GALNT13: variants seen among roughly 807,000 people sequenced by gnomAD.
GALNT13 encodes UDP-GalNAc:polypeptide N-acetylgalactosaminyltransferase 13.
Under a neutral mutation model 64.2 loss-of-function variants are expected in GALNT13, and 28 were observed. The observed-to-expected ratio is 0.44, with a 90% CI of 0.32 to 0.60. GALNT13 has a LOEUF of 0.60. Among genes scored for constraint, GALNT13 ranks in the 20% least tolerant of loss-of-function variants. The pLI, the probability that GALNT13 is intolerant of heterozygous loss-of-function variation, is 0.05. For synonymous variants in GALNT13, 214 were observed against 224.6 expected (o/e 0.95, Z 0.42); for missense variants, 577 against 669.8 (o/e 0.86, Z 1.53).
intron 4 of GALNT13, among the ~76,000 whole-genome samples, chr2:154,167,667 CA>C (rs576923473): frequency 2.0e-4 from 31 of 152,230 alleles, no homozygotes; most frequent in Admixed American, 5.2e-4. Context: ...AGTAGAGAGA[CA>C]CAACTTAATG....
the GALNT13 span, among the ~76,000 whole-genome samples, chr2:153,183,600 T>C: frequency 3.3e-5 from 5 of 152,242 alleles, no homozygotes; most frequent in South Asian, 2.1e-4. Flanking sequence ...TTTATAGTTT[T>C]GGGTTTTACA....
chr2:153,123,996 T>A, the GALNT13 span, among the ~76,000 whole-genome samples: 1 of 152,176 alleles, frequency 6.6e-6, no homozygotes, highest in Non-Finnish European at 1.5e-5. Context: ...TATAAAAGAC[T>A]GTGAGTTCTA....
chr2:153,691,394 G>A, the GALNT13 span, among the ~76,000 whole-genome samples: 10 of 152,078 alleles, frequency 6.6e-5, no homozygotes, highest in African/African-American at 2.4e-4. Context: ...TATTCAGTAT[G>A]TGGACAATTA....
the GALNT13 span, among the ~76,000 whole-genome samples, chr2:153,498,858 T>G: frequency 6.6e-6 from 1 of 152,054 alleles, no homozygotes; most frequent in Non-Finnish European, 1.5e-5. Context: ...TTCGTTCTTT[T>G]TTTTTTTTGA....
At chr2:154,174,920 A>G (rs1384471558) in intron 4 of GALNT13, among the ~76,000 whole-genome samples, 1 of 152,146 alleles carries the variant, frequency 6.6e-6, no homozygotes, top group African/African-American at 2.4e-5. Flanking sequence ...ACATAACTGT[A>G]TTGCTTTCCA....
rs963626559 is a variant in GALNT13 at position 154,409,376 on chromosome 2, A to T, written c.1395+294A>T. On this transcript the variant is annotated intron_variant, in intron 11 of 12. Transcript: ENST00000392825. The stretch of plus-strand genomic sequence containing the variant: ...TTAGCAAATGAGAGGAGTACATTTT[A>T]TTCTATTAACTGAATATAGAAAATA... 21 of 325,910 alleles carry T rather than the reference A, an allele frequency of 6.4e-5. 1 individual carries two copies. The South Asian group carries it at 8.5e-4, about 13-fold the overall frequency. 20.2% of individuals were successfully genotyped at this position (325,910 alleles called of 1,614,324 possible). A position where few individuals can be genotyped will look rare whatever the true frequency, so the allele number is the denominator to read the frequency against.
At chr2:153,660,144 A>G in the GALNT13 span, among the ~76,000 whole-genome samples, 1 of 152,264 alleles carries the variant, frequency 6.6e-6, no homozygotes, top group African/African-American at 2.4e-5. Flanking sequence ...AGCATAACAT[A>G]ATAAAAAGTG....
chr2:153,461,886 AG>A, the GALNT13 span, among the ~76,000 whole-genome samples: 3 of 152,124 alleles, frequency 2.0e-5, no homozygotes, highest in Non-Finnish European at 4.4e-5. Context: ...CTGAGGAAGA[AG>A]GTGGGTGAGA....
At chr2:154,194,907 T>A (rs1314022849) in intron 4 of GALNT13, among the ~76,000 whole-genome samples, 2 of 151,370 alleles carry the variant, frequency 1.3e-5, no homozygotes, top group African/African-American at 4.9e-5. Context: ...GTACAGAACG[T>A]ACAGGTTTGT....
chr2:153,578,455 C>T, the GALNT13 span, among the ~76,000 whole-genome samples: 91 of 152,164 alleles, frequency 6.0e-4, no homozygotes, highest in Admixed American at 5.3e-3. Context: ...AAAAATGATG[C>T]ATTGCTTTTT....
chr2:154,080,668 C>T (rs192259444), intron 3 of GALNT13, among the ~76,000 whole-genome samples: 6 of 151,756 alleles, frequency 4.0e-5, no homozygotes, highest in Admixed American at 2.0e-4. Context: ...ATTCATAGTT[C>T]AATGCACCTT....
At chr2:154,397,529 A>G (rs1401582409) in intron 10 of GALNT13, among the ~76,000 whole-genome samples, 1 of 152,230 alleles carries the variant, frequency 6.6e-6, no homozygotes, top group African/African-American at 2.4e-5. Flanking sequence ...TGTAGACCAT[A>G]ATGGTAGAAT....
chr2:153,465,262 A>G, the GALNT13 span, among the ~76,000 whole-genome samples: 379 of 152,112 alleles, frequency 2.5e-3, 2 homozygotes, highest in African/African-American at 8.9e-3. Context: ...TTGTTGAAAG[A>G]GATTTTGGAG....
At chr2:153,861,869 G>A in the GALNT13 span, among the ~76,000 whole-genome samples, 2 of 152,094 alleles carry the variant, frequency 1.3e-5, no homozygotes, top group Non-Finnish European at 2.9e-5. Context: ...ATGAGCCATC[G>A]TGCCCAGCCT....
the GALNT13 span, among the ~76,000 whole-genome samples, chr2:153,647,425 C>T: frequency 6.6e-6 from 1 of 152,240 alleles, no homozygotes; most frequent in East Asian, 1.9e-4. Flanking sequence ...TGTCTGTTCA[C>T]TCTGATGGTA....
At chr2:153,120,877 G>A in the GALNT13 span, among the ~76,000 whole-genome samples, 3 of 152,258 alleles carry the variant, frequency 2.0e-5, no homozygotes, top group East Asian at 1.9e-4. Flanking sequence ...GAAGCCAAAC[G>A]TGATGTATCT....
chr2:154,236,004 A>G (rs768771814), intron 4 of GALNT13: 323 of 1,124,220 alleles, frequency 2.9e-4, no homozygotes, highest in Non-Finnish European at 3.5e-4. Context: ...TTTCCAAAGT[A>G]GATCAGCTGG....
At chr2:153,699,151 G>T in the GALNT13 span, among the ~76,000 whole-genome samples, 1 of 152,124 alleles carries the variant, frequency 6.6e-6, no homozygotes, top group Non-Finnish European at 1.5e-5. Flanking sequence ...GAACCAGGAG[G>T]TAGAGGTTGC....
the GALNT13 span, among the ~76,000 whole-genome samples, chr2:153,227,824 G>A: frequency 6.6e-6 from 1 of 152,160 alleles, no homozygotes; most frequent in African/African-American, 2.4e-5. Context: ...ATTATACTTT[G>A]ACAGAATTAT....
Sources: allele counts gnomAD v4.1 joint callset (sites outside exome capture counted in the v4.1 genomes callset), GRCh38; gene constraint gnomAD v4.1.1; transcripts MANE v1.5; gene names NCBI Gene and HGNC (gene_info 2026-07-23, HGNC 2026-07-21).